Variants in CR1L observed in about 807,000 individuals in gnomAD.
CR1L encodes complement C3b/C4b receptor 1 like, also known as complement component receptor 1-like protein.
A neutral mutation model predicts 62.3 loss-of-function variants in CR1L; 59 were observed. The observed-to-expected ratio is 0.95, with a 90% CI of 0.77 to 1.18. The LOEUF is 1.18. CR1L is among the 50% of genes most tolerant of loss of function. The pLI, the probability that CR1L is intolerant of heterozygous loss-of-function variation, is 0.00. For synonymous variants in CR1L, 279 were observed against 248.7 expected (o/e 1.12, Z -1.15); for missense variants, 700 against 702.8 (o/e 1.00, Z 0.04).
At chr1:207,657,523 T>G in intron 1 of CR1L, 1 of 375,468 alleles carries the variant, frequency 2.7e-6, no homozygotes, top group Non-Finnish European at 4.8e-6. Flanking sequence ...TTCTTGGGAT[T>G]TCATTTCATA....
At chr1:207,661,439 C>T (rs1255815474) in intron 1 of CR1L, among the ~76,000 whole-genome samples, 1 of 152,130 alleles carries the variant, frequency 6.6e-6, no homozygotes, top group Non-Finnish European at 1.5e-5. Flanking sequence ...GGTTTAAAGT[C>T]TGTTTTATCA....
chr1:207,692,357 A>G (rs1051117097), intron 4 of CR1L, among the ~76,000 whole-genome samples: 1 of 152,194 alleles, frequency 6.6e-6, no homozygotes, highest in African/African-American at 2.4e-5. Flanking sequence ...TAGCTTTCTC[A>G]TGCCAGAAGC....
At chr1:207,684,062 C>A in intron 4 of CR1L, 105 bp downstream of exon 4, 1 of 1,070,524 alleles carries the variant, frequency 9.3e-7, no homozygotes, top group Non-Finnish European at 1.3e-6. Context: ...CTGTACTTCA[C>A]ATGGCTGAAG....
chr1:207,694,456 T>C lies in CR1L; in HGVS notation c.567T>C (p.Leu189=), dbSNP rs754408511. The change falls in exon 5 of 12, where the codon CTT becomes CTC. Residue 189 remains leucine, a synonymous_variant. Transcript: ENST00000508064. ...CAGTGGTGACCTACCACTGCAATCT[T>C]GGAAGCAGAGGGAAAAAGGTGTTTG... is the stretch of plus-strand genomic sequence containing the variant. ...YGSVVTYHCN[L]GSRGKKVFEL... 3 of 1,613,958 alleles carry C rather than the reference T, an allele frequency of 1.9e-6. No individual in the cohort carries two copies. The highest frequency in any genetic ancestry group is 2.5e-6 in the Non-Finnish European group (3 of 1,179,856).
chr1:207,719,625 G>A (rs960616032), intron 11 of CR1L, among the ~76,000 whole-genome samples: 2 of 152,088 alleles, frequency 1.3e-5, no homozygotes, highest in Admixed American at 6.6e-5. Flanking sequence ...AGAGGCTCAG[G>A]TGGGAGAATC....
intron 1 of CR1L, among the ~76,000 whole-genome samples, chr1:207,655,916 C>T (rs538438219): frequency 2.0e-5 from 3 of 152,128 alleles, no homozygotes; most frequent in Non-Finnish European, 4.4e-5. Flanking sequence ...GTTGTGTAAT[C>T]ACACAATATG....
chr1:207,658,994 G>T (rs1571644686), intron 1 of CR1L: 2 of 152,514 alleles, frequency 1.3e-5, no homozygotes, highest in East Asian at 3.9e-4. Flanking sequence ...ACACAGTGCT[G>T]ACCCGCATGA....
intron 1 of CR1L, chr1:207,669,469 CG>C: frequency 6.6e-7 from 1 of 1,520,890 alleles, no homozygotes; most frequent in Non-Finnish European, 9.0e-7. Flanking sequence ...TCCGAGAAGC[CG>C]GGAGCCTGTT....
At chr1:207,649,607 A>G (rs901687451) in intron 1 of CR1L, among the ~76,000 whole-genome samples, 1 of 152,154 alleles carries the variant, frequency 6.6e-6, no homozygotes, top group Admixed American at 6.5e-5. Context: ...AGTAATGGGA[A>G]GCAGTTTGGT....
At chr1:207,714,682 ATAAT>A (rs1431916875) in intron 10 of CR1L, among the ~76,000 whole-genome samples, 1 of 152,170 alleles carries the variant, frequency 6.6e-6, no homozygotes, top group African/African-American at 2.4e-5. Context: ...CCACCACCTA[ATAAT>A]GATTTCCAAT....
chr1:207,661,206 C>CTT (rs200855178), intron 1 of CR1L, among the ~76,000 whole-genome samples: 5,818 of 152,200 alleles, frequency 0.038, 173 homozygotes, highest in South Asian at 0.12. Flanking sequence ...TCCTTGTTAA[C>CTT]TTTCTGTCTC....
intron 10 of CR1L, chr1:207,710,283 C>T (rs759110747): frequency 5.5e-6 from 4 of 729,160 alleles, no homozygotes; most frequent in Non-Finnish European, 9.4e-6. Context: ...GTTGAGATTG[C>T]AGTGAGCCAT....
intron 1 of CR1L, among the ~76,000 whole-genome samples, chr1:207,669,878 C>T (rs1008509124): frequency 1.3e-5 from 2 of 151,264 alleles, no homozygotes; most frequent in Non-Finnish European, 1.5e-5. Context: ...TTCACAGCCT[C>T]GGCTGGCTAT....
In CR1L at chr1:207,694,716, A is replaced by G. The variant is rs753255836; in HGVS notation, c.827A>G (p.Asn276Ser). Residue 276 changes from asparagine to serine, a missense_variant, in exon 5 of 12, where the codon AAC (asparagine) becomes AGC (serine). Coordinates refer to ENST00000508064, the MANE Select transcript of CR1L (RefSeq NM_175710.2). ...GPSHVKCQALNKWEPELPSCS... is the reference protein window; with the variant it reads ...GPSHVKCQALSKWEPELPSCS... ...TCCCATGTGAAGTGCCAGGCCCTGA[A>G]CAAATGGGAGCCAGAGTTACCAAGC... 10 of 1,611,912 alleles carry G rather than the reference A, an allele frequency of 6.2e-6. No homozygotes were observed. Among genetic ancestry groups the G allele is most frequent in the Middle Eastern group, 2.3e-4 (1 of 4,430 alleles).
intron 1 of CR1L, among the ~76,000 whole-genome samples, chr1:207,670,418 T>C (rs979506614): frequency 1.3e-5 from 2 of 151,168 alleles, no homozygotes; most frequent in African/African-American, 4.9e-5. Context: ...ATGGAAATTT[T>C]GAGGCCACAT....
chr1:207,700,867 T>A (rs1409863978), intron 8 of CR1L, among the ~76,000 whole-genome samples: 1 of 152,252 alleles, frequency 6.6e-6, no homozygotes, highest in African/African-American at 2.4e-5. Context: ...TCAAAACGGT[T>A]ATTTTTCTTC....
intron 1 of CR1L, among the ~76,000 whole-genome samples, chr1:207,671,292 C>A (rs1318413306): frequency 6.6e-6 from 1 of 150,844 alleles, no homozygotes; most frequent in Non-Finnish European, 1.5e-5. Flanking sequence ...ACTGCAGGAT[C>A]ACTGAAAAGG....
chr1:207,648,047 C>T (rs1485185209), intron 1 of CR1L, among the ~76,000 whole-genome samples: 2 of 151,648 alleles, frequency 1.3e-5, no homozygotes, highest in Non-Finnish European at 2.9e-5. Context: ...GCCTGTGGTC[C>T]CAGCTACTTG....
intron 11 of CR1L, among the ~76,000 whole-genome samples, chr1:207,718,208 T>C (rs17005519): frequency 0.029 from 4,356 of 152,246 alleles, 197 homozygotes; most frequent in African/African-American, 0.1. Context: ...AGTTGGTCCT[T>C]CACCTCACCA....
Sources: gnomAD v4.1 joint callset for allele counts (sites outside exome capture counted in the v4.1 genomes callset) on GRCh38, gnomAD v4.1.1 for gene constraint, MANE v1.5 for transcripts, NCBI Gene and HGNC (gene_info 2026-07-23, HGNC 2026-07-21) for gene names.